The following ARSJ variants were observed in gnomAD, a reference collection of about 807,000 sequenced individuals.
ARSJ encodes the protein arylsulfatase family member J.
A neutral mutation model predicts 35.9 loss-of-function variants in ARSJ; 26 were observed. The observed-to-expected ratio is 0.72, with a 90% CI of 0.53 to 1.00. The LOEUF is 1.00. Ranked by LOEUF, ARSJ falls within the 50% of genes least tolerant of loss-of-function variation. The pLI is 0.00. For synonymous variants in ARSJ, 294 were observed against 267.6 expected, an observed-to-expected ratio of 1.10 and a Z score of -0.96; for missense variants, 667 against 723.6, an observed-to-expected ratio of 0.92 and a Z score of 0.90.
chr4:113,932,460 C>A (rs1381147471), intron 1 of ARSJ, among the ~76,000 whole-genome samples: 2 of 151,952 alleles, frequency 1.3e-5, no homozygotes, highest in African/African-American at 4.8e-5. Context: ...TCTTAGACAA[C>A]AAAACAAGTC....
intron 1 of ARSJ, chr4:113,946,414 G>A (rs1327115880): frequency 2.0e-5 from 3 of 151,668 alleles, no homozygotes; most frequent in African/African-American, 7.3e-5. Flanking sequence ...AAAAAATTGT[G>A]CCTAAAAGAA....
chr4:113,906,844 C>G, intron 1 of ARSJ: 1 of 400,780 alleles, frequency 2.5e-6, no homozygotes, highest in Non-Finnish European at 4.9e-6. Context: ...ATAGCTTTAA[C>G]AATTATCCCA....
At chr4:113,953,216 G>C (rs932511571) in intron 1 of ARSJ, among the ~76,000 whole-genome samples, 14 of 152,032 alleles carry the variant, frequency 9.2e-5, no homozygotes, top group Non-Finnish European at 1.8e-4. Context: ...TCAATAATTA[G>C]AACTCTGGGA....
intron 1 of ARSJ, among the ~76,000 whole-genome samples, chr4:113,904,549 A>G (rs900781912): frequency 5.3e-5 from 8 of 152,166 alleles, no homozygotes; most frequent in Admixed American, 1.3e-4. Flanking sequence ...CAGTGGTGTG[A>G]TCTAGGCTCA....
intron 1 of ARSJ, among the ~76,000 whole-genome samples, chr4:113,927,689 C>G (rs1329937506): frequency 6.6e-6 from 1 of 152,156 alleles, no homozygotes; most frequent in Non-Finnish European, 1.5e-5. Flanking sequence ...ACAGCAGCTA[C>G]AATTGGAGTC....
At chr4:113,976,381 A>G (rs1376890825) in intron 1 of ARSJ, among the ~76,000 whole-genome samples, 22 of 152,160 alleles carry the variant, frequency 1.4e-4, no homozygotes, top group Non-Finnish European at 1.5e-5. Flanking sequence ...ACAAATGACC[A>G]TATTCTCTGG....
intron 1 of ARSJ, among the ~76,000 whole-genome samples, chr4:113,945,972 A>T (rs1013630600): frequency 6.6e-6 from 1 of 151,540 alleles, no homozygotes; most frequent in Non-Finnish European, 1.5e-5. Context: ...CTAGGAAAGC[A>T]ATTTCTCATA....
At chr4:113,907,219 CG>C (rs1277715529) in intron 1 of ARSJ, among the ~76,000 whole-genome samples, 13 of 152,142 alleles carry the variant, frequency 8.5e-5, no homozygotes, top group Admixed American at 7.9e-4. Flanking sequence ...ATTTGTAAAC[CG>C]GATAGTGAGA....
chr4:113,925,195 CAA>C (rs1723976425), intron 1 of ARSJ, among the ~76,000 whole-genome samples: 1 of 152,204 alleles, frequency 6.6e-6, no homozygotes, highest in Admixed American at 6.5e-5. Flanking sequence ...AGGAGGAACC[CAA>C]AGTGTCCAGG....
Position 113,901,102 on chromosome 4 carries a change from A to T in ARSJ, c.*1172T>A, listed in dbSNP as rs1231660626. The stretch of plus-strand genomic sequence containing the variant: ...TAGCAAACCATTCCTTCAATTGCCT[A>T]TTAGTAAAGATTTTTATTTTTTAGG... On this transcript the variant is annotated 3_prime_UTR_variant, in exon 2 of 2. Coordinates refer to ENST00000315366, the MANE Select transcript of ARSJ (RefSeq NM_024590.4). 1 of 152,182 alleles carries T rather than the reference A, an allele frequency of 6.6e-6. No homozygotes were observed. Among genetic ancestry groups the T allele is most frequent in the Non-Finnish European group, 1.5e-5 (1 of 68,032 alleles). The allele number at this position is 152,182 out of a possible 1,614,324, so 9.4% of individuals were successfully genotyped here.
chr4:113,978,953 C>T lies in ARSJ; in HGVS notation c.-119G>A, dbSNP rs933805099. ...CCACCTGGCAAGAAATCCTCCTCTC[C>T]TCTCAGCTGTCACCATGTCCGACAA... On this transcript the variant is annotated 5_prime_UTR_variant, in exon 1 of 2. Transcript: ENST00000315366. 8 of 1,080,334 alleles carry T rather than the reference C, an allele frequency of 7.4e-6. No individual in the cohort carries two copies. The highest frequency in any genetic ancestry group is 7.2e-5 in the Admixed American group (3 of 41,402). 66.9% of individuals were successfully genotyped at this position (1,080,334 alleles called of 1,614,324 possible). A position where few individuals can be genotyped will look rare whatever the true frequency, so the allele number is the denominator to read the frequency against.
At chr4:113,941,317 G>A (rs1293736352) in intron 1 of ARSJ, among the ~76,000 whole-genome samples, 1 of 151,960 alleles carries the variant, frequency 6.6e-6, no homozygotes, top group South Asian at 2.1e-4. Context: ...GGTATCTCTG[G>A]TAATTGTAAA....
chr4:113,967,435 A>T (rs1357106258), intron 1 of ARSJ, among the ~76,000 whole-genome samples: 1 of 152,154 alleles, frequency 6.6e-6, no homozygotes, highest in Admixed American at 6.6e-5. Context: ...TATGCCAGGT[A>T]ATGCTCTATG....
At chr4:113,956,830 G>A (rs1327791607) in intron 1 of ARSJ, among the ~76,000 whole-genome samples, 2 of 152,080 alleles carry the variant, frequency 1.3e-5, no homozygotes, top group East Asian at 1.9e-4. Context: ...TGCAGGGGCC[G>A]GTTTGAGAGG....
intron 1 of ARSJ, among the ~76,000 whole-genome samples, chr4:113,972,375 C>T (rs1727325442): frequency 6.6e-6 from 1 of 150,732 alleles, no homozygotes; most frequent in Non-Finnish European, 1.5e-5. Flanking sequence ...TTCAAACTTT[C>T]CAATATATTT....
At chr4:113,975,187 A>G (rs1727517010) in intron 1 of ARSJ, among the ~76,000 whole-genome samples, 1 of 152,186 alleles carries the variant, frequency 6.6e-6, no homozygotes, top group Non-Finnish European at 1.5e-5. Context: ...TGTTTTAAGC[A>G]CAGTGAATTT....
At chr4:113,917,246 G>A (rs1562340232) in intron 1 of ARSJ, among the ~76,000 whole-genome samples, 1 of 152,052 alleles carries the variant, frequency 6.6e-6, no homozygotes, top group Non-Finnish European at 1.5e-5. Flanking sequence ...CTGTACCAAT[G>A]AGAGGAATCA....
intron 1 of ARSJ, among the ~76,000 whole-genome samples, chr4:113,977,488 C>T (rs1024215799): frequency 6.6e-6 from 1 of 152,156 alleles, no homozygotes; most frequent in Non-Finnish European, 1.5e-5. Context: ...GCAAGGGTTC[C>T]CTGTCCTGCA....
At chr4:113,927,917 C>T (rs1724178090) in intron 1 of ARSJ, among the ~76,000 whole-genome samples, 1 of 152,232 alleles carries the variant, frequency 6.6e-6, no homozygotes, top group African/African-American at 2.4e-5. Context: ...TCTAATGGCT[C>T]CCATTTGGCC....
Sources: gnomAD v4.1 joint callset for allele counts (sites outside exome capture counted in the v4.1 genomes callset) on GRCh38, gnomAD v4.1.1 for gene constraint, MANE v1.5 for transcripts, NCBI Gene and HGNC (gene_info 2026-07-23, HGNC 2026-07-21) for gene names.